Variants in MASTL observed in about 807,000 individuals in gnomAD.
MASTL encodes the protein microtubule associated serine/threonine kinase like, also known as serine/threonine-protein kinase greatwall.
A neutral mutation model predicts 82.5 loss-of-function variants in MASTL; 54 were observed. That is an observed-to-expected ratio of 0.65 (90% CI 0.53 to 0.82). The LOEUF is 0.82. Ranked by LOEUF, MASTL falls within the 40% of genes least tolerant of loss-of-function variation. The pLI, the probability that MASTL is intolerant of heterozygous loss-of-function variation, is 0.00. For synonymous variants in MASTL, 323 were observed against 368.9 expected, an observed-to-expected ratio of 0.88 and a Z score of 1.43; for missense variants, 950 against 1,047.8, an observed-to-expected ratio of 0.91 and a Z score of 1.29.
chr10:27,173,154 C>T lies in MASTL; in HGVS notation c.2161C>T (p.Arg721Ter), dbSNP rs1316813285. The T allele has an allele frequency of 1.7e-5, 28 of 1,613,948 alleles. No individual in the cohort carries two copies. The highest frequency in any genetic ancestry group is 2.7e-5 in the African/African-American group (2 of 74,880). ...TCAGATCAAGTCGGGAACTCCATAC[C>T]GAACTCCGAAGAGTGTGAGAAGAGG... is the stretch of plus-strand genomic sequence containing the variant. ...PNQIKSGTPY[R>*]TPKSVRRGVA... Residue 721 changes from arginine (R) to a stop codon, truncating the protein, a stop_gained, in exon 9 of 12, where the codon CGA becomes TGA. Transcript: ENST00000375940. LOFTEE classifies it high-confidence loss of function.
chr10:27,170,059 T>A lies in MASTL; in HGVS notation c.1100T>A (p.Leu367Ter). The part of the protein sequence containing the change: ...TKGFNKKDLE[L>*]ALSPIHNSSA... ...GGTTTCAATAAAAAGGATCTGGAGT[T>A]AGCTCTTTCTCCCATTCATAACAGC... The change falls in exon 8 of 12, where the codon TTA becomes TAA. Residue 367 changes from leucine (L) to a stop codon, truncating the protein, a stop_gained. Transcript: ENST00000375940. LOFTEE classifies it high-confidence loss of function. 6.2e-7 allele frequency: 1 copy of A among 1,614,210 alleles called. No homozygotes were observed. The highest frequency in any genetic ancestry group is 8.5e-7 in the Non-Finnish European group (1 of 1,180,022).
intron 3 of MASTL, among the ~76,000 whole-genome samples, chr10:27,160,190 T>G (rs1323119256): frequency 1.0e-5 from 1 of 99,320 alleles, no homozygotes; most frequent in Non-Finnish European, 2.1e-5. Flanking sequence ...TTTTTTTTTG[T>G]AGAGACAAGG....
chr10:27,161,262 C>G, intron 4 of MASTL, 80 bp downstream of exon 4: 3 of 818,280 alleles, frequency 3.7e-6, no homozygotes, highest in South Asian at 1.4e-5. Context: ...AATCCCAGCA[C>G]TTTGGGAGGC....
At position 27,173,190 on chromosome 10, in the gene MASTL, G is replaced by C; in HGVS notation, c.2197G>C (p.Val733Leu). The change falls in exon 9 of 12, where the codon GTT becomes CTT. Residue 733 changes from valine to leucine, a missense_variant. By Grantham distance (32) the Val-to-Leu change is conservative. Transcript: ENST00000375940. ...PKSVRRGVAP[V>L]DDGRILGTPD... The stretch of plus-strand genomic sequence containing the variant: ...GAGTGTGAGAAGAGGGGTGGCCCCC[G>C]TTGATGATGGGCGAATTCTAGGAAC... 1.2e-6 allele frequency: 2 copies of C among 1,614,172 alleles called. No homozygotes were observed. The highest frequency in any genetic ancestry group is 8.5e-7 in the Non-Finnish European group (1 of 1,180,020).
rs2058202774 is a variant in MASTL at position 27,179,398 on chromosome 10, CA to C, written c.2267-1554del. On this transcript the variant is annotated intron_variant, in intron 9 of 11. Transcript: ENST00000375940. ...TGAAACCCTGTCTCTACTAAAAATA[CA>C]GAAAAAAATTATCTGGGCATGGTGG... Among the ~76,000 whole-genome samples, 6 of 152,068 alleles carry C rather than the reference CA, an allele frequency of 3.9e-5. No individual in the cohort carries two copies. In the South Asian group the frequency reaches 1.2e-3, roughly 32 times the overall value.
intron 6 of MASTL, 75 bp from the exon 7 acceptor site, chr10:27,167,027 A>T: frequency 6.2e-6 from 7 of 1,134,394 alleles, no homozygotes; most frequent in Non-Finnish European, 8.0e-6. Context: ...TTGCTTAATT[A>T]TATGTAAAGA....
intron 4 of MASTL, among the ~76,000 whole-genome samples, chr10:27,163,311 T>A (rs1370563532): frequency 6.6e-6 from 1 of 152,208 alleles, no homozygotes; most frequent in African/African-American, 2.4e-5. Flanking sequence ...TTTACCACAT[T>A]ACTTTTCTAA....
At chr10:27,185,439 C>T (rs757359215) in intron 11 of MASTL, among the ~76,000 whole-genome samples, 115 of 151,698 alleles carry the variant, frequency 7.6e-4, no homozygotes, top group Non-Finnish European at 1.3e-3. Flanking sequence ...TCGAGACCAG[C>T]CTGGCCAACA....
chr10:27,163,915 C>T (rs2057656415), intron 4 of MASTL, among the ~76,000 whole-genome samples: 2 of 148,850 alleles, frequency 1.3e-5, no homozygotes, highest in African/African-American at 2.5e-5. Flanking sequence ...CAGGCGTGAA[C>T]CACCGCGCCC....
chr10:27,155,674 C>A, intron 1 of MASTL, 62 bp downstream of exon 1: 1 of 1,592,188 alleles, frequency 6.3e-7, no homozygotes, highest in Non-Finnish European at 8.6e-7. Context: ...CCTGCCCCAC[C>A]GGCTTGGGCA....
At chr10:27,179,296 T>C (rs1003238808) in intron 9 of MASTL, among the ~76,000 whole-genome samples, 1 of 152,246 alleles carries the variant, frequency 6.6e-6, no homozygotes, top group Admixed American at 6.5e-5. Flanking sequence ...GGCTCACGCC[T>C]GTAATCCAAG....
chr10:27,174,178 A>C (rs1289861622), intron 9 of MASTL, among the ~76,000 whole-genome samples: 3 of 151,650 alleles, frequency 2.0e-5, no homozygotes, highest in African/African-American at 7.3e-5. Context: ...AACATGGTGA[A>C]ACCTCACCTC....
intron 3 of MASTL, among the ~76,000 whole-genome samples, chr10:27,160,159 CTTTTTTTTTTTTTTTTT>C (rs58196933): frequency 1.7e-4 from 7 of 40,606 alleles, no homozygotes; most frequent in Non-Finnish European, 2.7e-4. Flanking sequence ...TTACTCTTGG[CTTTTTTTTTTTTTTTTT>C]TTTTTTTTTT....
In MASTL at chr10:27,186,881, C is replaced by G. The variant is rs562057401; in HGVS notation, c.*345C>G. ...TCTCCTCTGATTTCAGTTCACTGTTCAGTTTAGCATTAAAATAATAAAATA... is the reference window on the plus strand; with the variant it reads ...TCTCCTCTGATTTCAGTTCACTGTTGAGTTTAGCATTAAAATAATAAAATA... On this transcript the variant is annotated 3_prime_UTR_variant, in exon 12 of 12. Coordinates refer to ENST00000375940, the MANE Select transcript of MASTL (RefSeq NM_001172303.3). The G allele has an allele frequency of 1.6e-5, 5 of 305,866 alleles. No homozygotes were observed. The East Asian group carries it at 4.1e-4, about 25-fold the overall frequency. The allele number at this position is 305,866 out of a possible 1,614,324, so 18.9% of individuals were successfully genotyped here. A position where few individuals can be genotyped will look rare whatever the true frequency, so the allele number is the denominator to read the frequency against.
chr10:27,176,139 A>G (rs2058095714), intron 9 of MASTL, among the ~76,000 whole-genome samples: 1 of 151,414 alleles, frequency 6.6e-6, no homozygotes, highest in Admixed American at 6.6e-5. Flanking sequence ...TTACCCAGCT[A>G]GCTCTTCCTC....
intron 6 of MASTL, among the ~76,000 whole-genome samples, chr10:27,165,932 C>CAAA (rs2057728520): frequency 6.6e-6 from 1 of 151,930 alleles, no homozygotes; most frequent in Admixed American, 6.6e-5. Flanking sequence ...AAATTCAAAA[C>CAAA]ATTTTGAGTA....
At chr10:27,158,259 C>T (rs958686434) in intron 1 of MASTL, among the ~76,000 whole-genome samples, 1 of 152,310 alleles carries the variant, frequency 6.6e-6, no homozygotes, top group African/African-American at 2.4e-5. Flanking sequence ...GTGGCTTCCA[C>T]GTGTAATCCC....
chr10:27,164,918 G>A, intron 4 of MASTL, 146 bp from the exon 5 acceptor site: 1 of 623,472 alleles, frequency 1.6e-6, no homozygotes, highest in South Asian at 1.8e-5. Flanking sequence ...CATTATAGGT[G>A]TGAGCCACCG....
Position 27,155,442 on chromosome 10 carries a change from GGAAGCAA to G in MASTL, c.21_27del (p.Ser7ArgfsTer13). ...CTGTCCAGCGATGGATCCCACCGCG[GGAAGCAA>G]GAAGGAGCCTGGAGGAGGCGCGGCG... On this transcript the variant is annotated frameshift_variant, in exon 1 of 12. Transcript: ENST00000375940. LOFTEE classifies it high-confidence loss of function. 1 of 1,611,582 alleles carries G rather than the reference GGAAGCAA, an allele frequency of 6.2e-7. No individual in the cohort carries two copies. Among genetic ancestry groups the G allele is most frequent in the Non-Finnish European group, 8.5e-7 (1 of 1,179,228 alleles).
Sources: allele counts gnomAD v4.1 joint callset (sites outside exome capture counted in the v4.1 genomes callset), GRCh38; gene constraint gnomAD v4.1.1; transcripts MANE v1.5; gene names NCBI Gene and HGNC (gene_info 2026-07-23, HGNC 2026-07-21).